Variants in CADM1 observed in about 807,000 individuals in gnomAD.
CADM1 encodes the protein TSLC-1.
CADM1 carries 15 observed loss-of-function variants against 53.1 expected under a neutral mutation model. The ratio of observed to expected loss-of-function variants is 0.28; its 90% CI spans 0.19 to 0.44. CADM1 has a LOEUF of 0.44. CADM1 is among the 20% of genes least tolerant of loss of function. The pLI, the probability that CADM1 is intolerant of heterozygous loss-of-function variation, is 1.00. For synonymous variants in CADM1, 281 were observed against 243.0 expected (o/e 1.16, Z -1.45); for missense variants, 434 against 611.3 (o/e 0.71, Z 3.06).
intron 1 of CADM1, among the ~76,000 whole-genome samples, chr11:115,277,356 TAAC>T (rs965196407): frequency 6.6e-6 from 1 of 152,152 alleles, no homozygotes; most frequent in African/African-American, 2.4e-5. Flanking sequence ...CTTTCTTCTT[TAAC>T]AACAACAGAA....
intron 1 of CADM1, among the ~76,000 whole-genome samples, chr11:115,276,725 T>G (rs963377629): frequency 6.6e-6 from 1 of 152,172 alleles, no homozygotes; most frequent in Non-Finnish European, 1.5e-5. Flanking sequence ...TTGACAAATA[T>G]CTTTCTCTGA....
At position 115,325,261 on chromosome 11, in the gene CADM1, G is replaced by C. The variant is rs116594688; in HGVS notation, c.125-84841C>G. On this transcript the variant is annotated intron_variant, in intron 1 of 11. Coordinates refer to ENST00000331581, the MANE Select transcript of CADM1 (RefSeq NM_001301043.2). ...CGATCTTTCAGGCCTTGTAGTGAGA[G>C]AGCATCAACGTGAACTCTAGGAGCA... 7.9e-3 allele frequency among the ~76,000 whole-genome samples: 1,199 copies of C among 152,264 alleles called. 20 individuals carry two copies. The highest frequency in any genetic ancestry group is 0.027 in the African/African-American group (1,114 of 41,552).
chr11:115,489,158 T>C (rs1256929078), intron 1 of CADM1, among the ~76,000 whole-genome samples: 1 of 152,202 alleles, frequency 6.6e-6, no homozygotes, highest in East Asian at 1.9e-4. Context: ...ATTAAATAAA[T>C]GGAAAGAGAT....
intron 1 of CADM1, among the ~76,000 whole-genome samples, chr11:115,301,098 T>G (rs139713549): frequency 1.5e-4 from 23 of 152,180 alleles, no homozygotes; most frequent in African/African-American, 5.5e-4. Context: ...AAAGCAAAAT[T>G]CTGTATTGAT....
chr11:115,336,175 G>T (rs551355670), intron 1 of CADM1, among the ~76,000 whole-genome samples: 40 of 152,056 alleles, frequency 2.6e-4, no homozygotes, highest in Non-Finnish European at 5.4e-4. Flanking sequence ...GTATGTGGAG[G>T]TGAAGAATAC....
chr11:115,443,749 A>C (rs1435090154), intron 1 of CADM1, among the ~76,000 whole-genome samples: 1 of 152,238 alleles, frequency 6.6e-6, no homozygotes, highest in Non-Finnish European at 1.5e-5. Flanking sequence ...CAGTCTGCTA[A>C]ATTTGTGGAT....
intron 1 of CADM1, among the ~76,000 whole-genome samples, chr11:115,499,518 T>C (rs1949688159): frequency 6.6e-6 from 1 of 152,272 alleles, no homozygotes; most frequent in Non-Finnish European, 1.5e-5. Flanking sequence ...GAGCAACAAT[T>C]AATCTTGCTG....
rs1211180718 is a variant in CADM1 at position 115,174,249 on chromosome 11, C to A, written c.*2225G>T. The A allele has an allele frequency of 4.1e-6, 4 of 983,798 alleles. No homozygotes were observed. The highest frequency in any genetic ancestry group is 3.5e-5 in the African/African-American group (2 of 56,786). The allele number at this position is 983,798 out of a possible 1,614,324, so 60.9% of individuals were successfully genotyped here. On this transcript the variant is annotated 3_prime_UTR_variant, in exon 12 of 12. Coordinates refer to ENST00000331581, the MANE Select transcript of CADM1 (RefSeq NM_001301043.2). ...AGGTCCCAAAAATGAGATGCCAATT[C>A]TGTGAGCAATGGTGTGATTTTTTTT... is the stretch of plus-strand genomic sequence containing the variant.
intron 1 of CADM1, among the ~76,000 whole-genome samples, chr11:115,466,247 C>A (rs1409833793): frequency 6.6e-6 from 1 of 152,206 alleles, no homozygotes; most frequent in African/African-American, 2.4e-5. Context: ...ACATTTCCTG[C>A]TGGCTGTGAT....
At chr11:115,214,901 A>G in intron 6 of CADM1, 121 bp from the exon 7 acceptor site, 1 of 1,041,490 alleles carries the variant, frequency 9.6e-7, no homozygotes, top group Non-Finnish European at 1.5e-6. Context: ...AAGTTCACAG[A>G]ATTACAACTG....
At chr11:115,361,112 G>C (rs1046857566) in intron 1 of CADM1, among the ~76,000 whole-genome samples, 1 of 152,178 alleles carries the variant, frequency 6.6e-6, no homozygotes, top group South Asian at 2.1e-4. Flanking sequence ...GGTGGGGAAA[G>C]AGGTTGCTAA....
intron 1 of CADM1, among the ~76,000 whole-genome samples, chr11:115,266,351 A>G (rs1198888291): frequency 2.0e-5 from 3 of 152,230 alleles, no homozygotes; most frequent in East Asian, 1.9e-4. Flanking sequence ...CTAGAATACT[A>G]TAACTTTTTC....
At chr11:115,460,360 A>G (rs1047827309) in intron 1 of CADM1, among the ~76,000 whole-genome samples, 3 of 152,348 alleles carry the variant, frequency 2.0e-5, no homozygotes, top group Middle Eastern at 3.4e-3. Flanking sequence ...TGCTAGAAGT[A>G]TGTCACACAA....
intron 1 of CADM1, among the ~76,000 whole-genome samples, chr11:115,439,567 C>G (rs1297060587): frequency 6.6e-6 from 1 of 152,156 alleles, no homozygotes; most frequent in Non-Finnish European, 1.5e-5. Context: ...TGAAAAGGAC[C>G]AATTACTTAA....
intron 1 of CADM1, among the ~76,000 whole-genome samples, chr11:115,407,145 A>G (rs1418954331): frequency 6.6e-6 from 1 of 152,148 alleles, no homozygotes; most frequent in Non-Finnish European, 1.5e-5. Flanking sequence ...TGAAAGATCA[A>G]CATACTCTAG....
At chr11:115,247,279 G>T (rs1942438467) in intron 1 of CADM1, among the ~76,000 whole-genome samples, 1 of 152,148 alleles carries the variant, frequency 6.6e-6, no homozygotes, top group Non-Finnish European at 1.5e-5. Flanking sequence ...TCATAACAAG[G>T]TTCCACTTTT....
At chr11:115,202,455 T>G (rs779690159) in intron 8 of CADM1, among the ~76,000 whole-genome samples, 1 of 152,324 alleles carries the variant, frequency 6.6e-6, no homozygotes, top group Admixed American at 6.5e-5. Context: ...CCAATTGATC[T>G]GCGGTGCTCC....
At chr11:115,500,648 T>G (rs1193431413) in intron 1 of CADM1, among the ~76,000 whole-genome samples, 1 of 152,240 alleles carries the variant, frequency 6.6e-6, no homozygotes, top group East Asian at 1.9e-4. Context: ...AATCTGACAT[T>G]CACTATCAAC....
chr11:115,300,829 T>G (rs142253983), intron 1 of CADM1, among the ~76,000 whole-genome samples: 1 of 152,124 alleles, frequency 6.6e-6, no homozygotes, highest in Non-Finnish European at 1.5e-5. Context: ...CTGTGAGATA[T>G]GCATGTAGGC....
Sources: gnomAD v4.1 joint callset for allele counts (sites outside exome capture counted in the v4.1 genomes callset) on GRCh38, gnomAD v4.1.1 for gene constraint, MANE v1.5 for transcripts, NCBI Gene and HGNC (gene_info 2026-07-23, HGNC 2026-07-21) for gene names.